AMBRA1: variants seen among roughly 807,000 people sequenced by gnomAD.
The protein encoded by AMBRA1 is autophagy and beclin 1 regulator 1, also known as activating molecule in BECN1-regulated autophagy protein 1.
In AMBRA1, 47 loss-of-function variants were observed where a neutral mutation model predicts 125.4. The observed-to-expected ratio is 0.37, with a 90% confidence interval of 0.30 to 0.48. AMBRA1 has a LOEUF of 0.48. Ranked by LOEUF, AMBRA1 falls within the 20% of genes least tolerant of loss-of-function variation. The probability of loss-of-function intolerance (pLI) is 0.99; values close to 1 mark genes in which losing one functional copy is unlikely to be tolerated. For missense variants in AMBRA1, 1,331 were observed against 1,693.4 expected (o/e 0.79, Z 3.76); for synonymous variants, 626 against 655.5 (o/e 0.95, Z 0.69).
intron 2 of AMBRA1, among the ~76,000 whole-genome samples, 165 bp downstream of exon 2, chr11:46,548,081 T>C (rs2042882466): frequency 6.6e-6 from 1 of 152,194 alleles, no homozygotes; most frequent in African/African-American, 2.4e-5. Context: ...AAGATATTTC[T>C]AGCACATTAG....
At chr11:46,554,047 A>C (rs535936844) in intron 1 of AMBRA1, among the ~76,000 whole-genome samples, 1 of 152,174 alleles carries the variant, frequency 6.6e-6, no homozygotes, top group Non-Finnish European at 1.5e-5. Flanking sequence ...AAACTGCCAC[A>C]TAAGTGATTA....
chr11:46,537,314 G>A (rs1240148366), intron 7 of AMBRA1, among the ~76,000 whole-genome samples: 2 of 152,174 alleles, frequency 1.3e-5, no homozygotes, highest in Non-Finnish European at 2.9e-5. Context: ...ATGAAACGGA[G>A]GAAAGGGTGC....
intron 15 of AMBRA1, among the ~76,000 whole-genome samples, chr11:46,410,587 G>A (rs1480080801): frequency 1.3e-5 from 2 of 152,168 alleles, no homozygotes; most frequent in African/African-American, 4.8e-5. Context: ...TGGAATGGTG[G>A]GTTTAGCTTC....
At chr11:46,589,073 T>C (rs1318018315) in intron 1 of AMBRA1, among the ~76,000 whole-genome samples, 1 of 152,178 alleles carries the variant, frequency 6.6e-6, no homozygotes, top group East Asian at 1.9e-4. Flanking sequence ...CCCTACAGCC[T>C]CCTTAAATAA....
intron 11 of AMBRA1, among the ~76,000 whole-genome samples, chr11:46,457,129 T>C (rs901095259): frequency 2.6e-5 from 4 of 152,302 alleles, no homozygotes; most frequent in East Asian, 1.9e-4. Context: ...GCTGAGTCAG[T>C]TGGGGCCAAC....
Position 46,542,715 on chromosome 11 carries a change from G to C in AMBRA1, c.1302C>G (p.Ser434=), listed in dbSNP as rs77450193. The part of the protein sequence containing the change: ...LSLNSRSEAE[S]MPPPRTSASS... ...AGGCACTGGTTCTGGGCGGGGGCAT[G>C]GATTCCGCCTCAGAGCGGGAGTTCA... Residue 434 remains serine, a synonymous_variant, in exon 7 of 18, where the codon TCC becomes TCG. Coordinates refer to ENST00000683756, the MANE Select transcript of AMBRA1 (RefSeq NM_001387011.1). The surrounding 1 kb of genome is among the most constrained non-coding windows in gnomAD (Gnocchi z 5.9). 7.4e-4 allele frequency: 1,188 copies of C among 1,614,074 alleles called. 3 individuals are homozygous for C. The African/African-American group carries it at 0.014, about 20-fold the overall frequency.
chr11:46,525,335 C>T (rs1565252285), intron 7 of AMBRA1, among the ~76,000 whole-genome samples: 1 of 151,964 alleles, frequency 6.6e-6, no homozygotes, highest in East Asian at 1.9e-4. Context: ...GGCGCGGTGG[C>T]TCACACCACA....
At chr11:46,472,215 G>T (rs1949626185) in intron 11 of AMBRA1, among the ~76,000 whole-genome samples, 1 of 152,142 alleles carries the variant, frequency 6.6e-6, no homozygotes, top group Non-Finnish European at 1.5e-5. Flanking sequence ...TGTCCCAAGG[G>T]TGCCTAGCAC....
At chr11:46,550,392 G>A (rs1412903310) in intron 1 of AMBRA1, among the ~76,000 whole-genome samples, 1 of 152,148 alleles carries the variant, frequency 6.6e-6, no homozygotes, top group Non-Finnish European at 1.5e-5. Flanking sequence ...GTAGAAAGAT[G>A]ATTACTTGGT....
intron 11 of AMBRA1, among the ~76,000 whole-genome samples, chr11:46,472,545 C>T (rs1949641821): frequency 6.6e-6 from 1 of 152,196 alleles, no homozygotes; most frequent in Non-Finnish European, 1.5e-5. Flanking sequence ...GGTTAAATGA[C>T]TCACTCAAAT....
intron 7 of AMBRA1, among the ~76,000 whole-genome samples, chr11:46,529,401 C>T (rs774903349): frequency 1.3e-5 from 2 of 152,162 alleles, no homozygotes; most frequent in Non-Finnish European, 2.9e-5. Flanking sequence ...CAGCCTACAG[C>T]AAGCAGGGGG....
At chr11:46,411,785 A>T (rs544735664) in intron 15 of AMBRA1, among the ~76,000 whole-genome samples, 27 of 150,064 alleles carry the variant, frequency 1.8e-4, no homozygotes, top group African/African-American at 6.6e-4. Context: ...TGTCTTTTTA[A>T]TTTTTTTTTT....
At chr11:46,477,068 G>A (rs952343810) in intron 11 of AMBRA1, among the ~76,000 whole-genome samples, 7 of 147,674 alleles carry the variant, frequency 4.7e-5, no homozygotes, top group African/African-American at 7.6e-5. Flanking sequence ...CCGAGATTGC[G>A]CCACTGCACT....
At chr11:46,578,123 T>A (rs972303969) in intron 1 of AMBRA1, among the ~76,000 whole-genome samples, 10 of 151,792 alleles carry the variant, frequency 6.6e-5, no homozygotes, top group Admixed American at 3.9e-4. Flanking sequence ...AATAAACAAA[T>A]AAAAGAATGC....
In AMBRA1 at chr11:46,476,767, G is replaced by C. The variant is rs547059475; in HGVS notation, c.2521+16841C>G. Among the ~76,000 whole-genome samples the C allele has an allele frequency of 8.5e-5, 13 of 152,312 alleles. No individual in the cohort carries two copies. The South Asian group carries it at 2.1e-3, about 24-fold the overall frequency. On this transcript the variant is annotated intron_variant, in intron 11 of 17. Transcript: ENST00000683756. ...ACTTTGTGGCTTTTATAAGCTCTCA[G>C]TTAGCTCCTGTGTTAGCTCTATTAG...
intron 1 of AMBRA1, among the ~76,000 whole-genome samples, chr11:46,572,216 G>A (rs767944999): frequency 2.0e-5 from 3 of 151,956 alleles, no homozygotes; most frequent in South Asian, 2.1e-4. Flanking sequence ...CAGGAGAATC[G>A]CTTAAACCCG....
At chr11:46,464,389 C>G (rs1428307141) in intron 11 of AMBRA1, among the ~76,000 whole-genome samples, 1 of 152,046 alleles carries the variant, frequency 6.6e-6, no homozygotes, top group African/African-American at 2.4e-5. Flanking sequence ...CTGCATTTCC[C>G]TGGATTTAAT....
At chr11:46,473,692 C>T (rs1949698082) in intron 11 of AMBRA1, among the ~76,000 whole-genome samples, 1 of 152,222 alleles carries the variant, frequency 6.6e-6, no homozygotes, top group Non-Finnish European at 1.5e-5. Flanking sequence ...CGCACTGTCG[C>T]CCAGGCTGAG....
chr11:46,466,515 T>C (rs1949331306), intron 11 of AMBRA1, among the ~76,000 whole-genome samples: 1 of 152,126 alleles, frequency 6.6e-6, no homozygotes, highest in Non-Finnish European at 1.5e-5. Flanking sequence ...TGGTTCAGGA[T>C]AGAAAGAGGT....
Sources: gnomAD v4.1 joint callset for allele counts (sites outside exome capture counted in the v4.1 genomes callset) on GRCh38, gnomAD v4.1.1 for gene constraint, Gnocchi (gnomAD v3.1) non-coding constraint, MANE v1.5 for transcripts, NCBI Gene and HGNC (gene_info 2026-07-23, HGNC 2026-07-21) for gene names.